Variants in TAFA2 observed in about 807,000 individuals in gnomAD.
The protein encoded by TAFA2 is chemokine-like protein TAFA-2.
A neutral mutation model predicts 18.8 loss-of-function variants in TAFA2; 7 were observed. The observed-to-expected ratio is 0.37, with a 90% CI of 0.21 to 0.70. The LOEUF (loss-of-function observed/expected upper bound fraction) is 0.70, where lower values mean the gene tolerates loss of function less well. TAFA2 is among the 30% of genes least tolerant of loss of function. The pLI, the probability that TAFA2 is intolerant of heterozygous loss-of-function variation, is 0.53. For synonymous variants in TAFA2, 60 were observed against 54.2 expected (o/e 1.11, Z -0.47); for missense variants, 122 against 158.1 (o/e 0.77, Z 1.23).
chr12:61,961,748 T>C (rs1184842098), intron 1 of TAFA2, among the ~76,000 whole-genome samples: 2 of 152,002 alleles, frequency 1.3e-5, no homozygotes, highest in African/African-American at 2.4e-5. Flanking sequence ...CTCCATGTGA[T>C]TGGTTCTTGT....
intron 2 of TAFA2, among the ~76,000 whole-genome samples, chr12:61,756,741 AGGGAAT>A (rs1340087096): frequency 1.3e-5 from 2 of 152,108 alleles, no homozygotes; most frequent in Non-Finnish European, 2.9e-5. Flanking sequence ...TTTTGTAGGA[AGGGAAT>A]GCATATTTTT....
At chr12:61,887,881 A>G (rs9705450) in intron 1 of TAFA2, among the ~76,000 whole-genome samples, 69,588 of 151,392 alleles carry the variant, frequency 0.46, 19,005 homozygotes, top group African/African-American at 0.77. Context: ...TGTGAATAAT[A>G]CTGCAATAAA....
intron 1 of TAFA2, among the ~76,000 whole-genome samples, chr12:62,117,220 A>G (rs1427109924): frequency 6.6e-6 from 1 of 152,166 alleles, no homozygotes; most frequent in Non-Finnish European, 1.5e-5. Flanking sequence ...AGTATTTACA[A>G]ATTCTAAAGA....
intron 1 of TAFA2, among the ~76,000 whole-genome samples, chr12:61,950,493 T>G (rs944733355): frequency 1.3e-5 from 2 of 152,138 alleles, no homozygotes; most frequent in East Asian, 3.9e-4. Flanking sequence ...GTTTTGATTT[T>G]CATTCCTATG....
At chr12:62,123,793 C>CACAA (rs1291612714) in intron 1 of TAFA2, among the ~76,000 whole-genome samples, 1 of 150,722 alleles carries the variant, frequency 6.6e-6, no homozygotes, top group Non-Finnish European at 1.5e-5. Context: ...CACACACACA[C>CACAA]ACACACACAC....
intron 1 of TAFA2, among the ~76,000 whole-genome samples, chr12:61,971,412 C>T (rs1000825500): frequency 6.6e-6 from 1 of 151,538 alleles, no homozygotes; most frequent in South Asian, 2.1e-4. Flanking sequence ...GGGTACAGCA[C>T]ACCAACATGG....
chr12:61,732,939 G>T (rs1029711980), intron 4 of TAFA2, among the ~76,000 whole-genome samples: 36 of 151,964 alleles, frequency 2.4e-4, no homozygotes, highest in African/African-American at 8.0e-4. Context: ...ATCTTTGAAG[G>T]CATACCCCCA....
intron 2 of TAFA2, among the ~76,000 whole-genome samples, chr12:61,825,016 G>A (rs1872484727): frequency 6.6e-6 from 1 of 152,092 alleles, no homozygotes. Flanking sequence ...ATTCCCATGG[G>A]AATAATATTG....
intron 2 of TAFA2, among the ~76,000 whole-genome samples, chr12:61,785,150 T>C (rs1192942350): frequency 1.3e-5 from 2 of 151,796 alleles, no homozygotes; most frequent in Admixed American, 6.6e-5. Flanking sequence ...TTCTCTGTTC[T>C]ACATGTTACT....
rs80110247 is a variant in TAFA2, at chr12:62,116,464, C to A, written c.-2+74795G>T. Among the ~76,000 whole-genome samples the A allele has an allele frequency of 5.3e-3, 811 of 151,958 alleles. 8 individuals are homozygous for A. Among genetic ancestry groups the A allele is most frequent in the African/African-American group, 0.017 (704 of 41,264 alleles). ...TCATGTGCAAACCTCCATAAAGTAT[C>A]TTGTAGGCTCTGGCGTATGTGGCAG... On this transcript the variant is annotated intron_variant, in intron 1 of 4. Coordinates refer to ENST00000416284, the MANE Select transcript of TAFA2 (RefSeq NM_178539.5).
rs551471899 is a variant in TAFA2, at chr12:61,717,293, G to A, written c.385-6876C>T. Among the ~76,000 whole-genome samples, 25 of 152,276 alleles carry A rather than the reference G, an allele frequency of 1.6e-4. No homozygotes were observed. The South Asian group carries it at 2.9e-3, about 18-fold the overall frequency. On this transcript the variant is annotated intron_variant, in intron 4 of 4. Transcript: ENST00000416284. ...ACACCTATTGGTCTGGGATATTCAC[G>A]CATGAGCAAGCTGACCAGACAACTT...
At chr12:62,073,911 C>G (rs1230458093) in intron 1 of TAFA2, among the ~76,000 whole-genome samples, 1 of 152,214 alleles carries the variant, frequency 6.6e-6, no homozygotes, top group Non-Finnish European at 1.5e-5. Context: ...AGCCCTCACA[C>G]ATGGCATGCT....
intron 4 of TAFA2, among the ~76,000 whole-genome samples, chr12:61,736,199 G>A (rs1476511528): frequency 6.6e-6 from 1 of 151,948 alleles, no homozygotes; most frequent in Non-Finnish European, 1.5e-5. Flanking sequence ...TTGCCTCCAT[G>A]GGTTAAGTGA....
chr12:61,790,759 G>T (rs963557662), intron 2 of TAFA2, among the ~76,000 whole-genome samples: 3 of 151,700 alleles, frequency 2.0e-5, no homozygotes, highest in Non-Finnish European at 2.9e-5. Flanking sequence ...TGAACTTGAA[G>T]AATTAATATT....
chr12:61,860,783 A>G (rs1874093983), intron 2 of TAFA2, among the ~76,000 whole-genome samples: 1 of 152,098 alleles, frequency 6.6e-6, no homozygotes, highest in Non-Finnish European at 1.5e-5. Flanking sequence ...CTTCCCTGAA[A>G]CTGTACCCTA....
In TAFA2 at chr12:61,760,365, A is replaced by AATATATATATATATAT. The variant is rs71083956; in HGVS notation, c.107-5357_107-5342dup. 7.7e-3 allele frequency among the ~76,000 whole-genome samples: 942 copies of AATATATATATATATAT among 122,170 alleles called. 46 individuals are homozygous for AATATATATATATATAT. Among genetic ancestry groups the AATATATATATATATAT allele is most frequent in the African/African-American group, 0.024 (794 of 33,366 alleles). 80.1% of individuals were successfully genotyped at this position (122,170 alleles called of 152,430 possible). A position where few individuals can be genotyped will look rare whatever the true frequency, so the allele number is the denominator to read the frequency against. On this transcript the variant is annotated intron_variant, in intron 2 of 4. Coordinates refer to ENST00000416284, the MANE Select transcript of TAFA2 (RefSeq NM_178539.5). ...TTGGCATTGGTAGGAAAAATATCAAAATATATATATATATATATGCGCCAG... is the reference window on the plus strand; with the variant it reads ...TTGGCATTGGTAGGAAAAATATCAAAATATATATATATATATATATATATATATATATATGCGCCAG...
intron 1 of TAFA2, among the ~76,000 whole-genome samples, chr12:61,917,601 T>C (rs962702241): frequency 2.0e-5 from 3 of 152,178 alleles, no homozygotes; most frequent in Non-Finnish European, 4.4e-5. Context: ...TCAGGAAGCT[T>C]GGCAGGCGGA....
chr12:61,968,886 T>G (rs1879154390), intron 1 of TAFA2, among the ~76,000 whole-genome samples: 1 of 151,716 alleles, frequency 6.6e-6, no homozygotes. Context: ...TTTACAAACA[T>G]GTAAAACTGA....
intron 1 of TAFA2, among the ~76,000 whole-genome samples, chr12:61,910,903 C>T (rs775315140): frequency 3.3e-5 from 5 of 152,184 alleles, no homozygotes; most frequent in Non-Finnish European, 5.9e-5. Flanking sequence ...ATGATTTGGA[C>T]AACTCTATTT....
Sources: gnomAD v4.1 joint callset for allele counts (sites outside exome capture counted in the v4.1 genomes callset) on GRCh38, gnomAD v4.1.1 for gene constraint, MANE v1.5 for transcripts, NCBI Gene and HGNC (gene_info 2026-07-23, HGNC 2026-07-21) for gene names.